CSMD3: variants seen among roughly 807,000 people sequenced by gnomAD.
CSMD3 encodes the protein CUB and Sushi multiple domains 3, also known as CUB and sushi domain-containing protein 3.
Under a neutral mutation model 435.2 loss-of-function variants are expected in CSMD3, and 177 were observed. That is an observed-to-expected ratio of 0.41 (90% CI 0.36 to 0.46). The LOEUF (loss-of-function observed/expected upper bound fraction) is 0.46. CSMD3 is among the 20% of genes least tolerant of loss of function. The pLI, the probability that CSMD3 is intolerant of heterozygous loss-of-function variation, is 0.34. For missense variants in CSMD3, 4,265 were observed against 4,504.6 expected (o/e 0.95, Z 1.52); for synonymous variants, 1,656 against 1,520.5 (o/e 1.09, Z -2.07).
At chr8:113,435,789 G>A (rs1476781984) in intron 1 of CSMD3, among the ~76,000 whole-genome samples, 1 of 152,158 alleles carries the variant, frequency 6.6e-6, no homozygotes, top group East Asian at 1.9e-4. Flanking sequence ...GGGCAGCAGG[G>A]TGCCGGAGAA....
intron 23 of CSMD3, among the ~76,000 whole-genome samples, chr8:112,576,691 T>C (rs929129578): frequency 5.4e-5 from 8 of 147,032 alleles, no homozygotes; most frequent in Non-Finnish European, 1.1e-4. Flanking sequence ...CCACCAAGCC[T>C]GGCTAATTTT....
intron 12 of CSMD3, among the ~76,000 whole-genome samples, chr8:112,818,428 A>C (rs997938900): frequency 1.3e-5 from 2 of 152,194 alleles, no homozygotes; most frequent in Admixed American, 1.3e-4. Flanking sequence ...CTTGTAAAAT[A>C]ATTTTGGTGC....
chr8:112,509,918 C>T (rs1448053428), intron 28 of CSMD3, among the ~76,000 whole-genome samples: 4 of 152,166 alleles, frequency 2.6e-5, no homozygotes, highest in Non-Finnish European at 5.9e-5. Context: ...TCTCTGTAGT[C>T]TATTGGTACA....
intron 10 of CSMD3, among the ~76,000 whole-genome samples, chr8:112,894,490 G>A (rs2081893549): frequency 1.3e-5 from 2 of 151,238 alleles, no homozygotes; most frequent in South Asian, 2.1e-4. Context: ...TTTCATTGCT[G>A]GAGATTTGAG....
intron 28 of CSMD3, among the ~76,000 whole-genome samples, chr8:112,513,499 A>G (rs1221024317): frequency 1.3e-5 from 2 of 152,328 alleles, no homozygotes; most frequent in Admixed American, 6.5e-5. Context: ...GTGGCACCCC[A>G]AAACAATTAC....
intron 4 of CSMD3, among the ~76,000 whole-genome samples, chr8:113,122,941 C>CAA (rs201873549): frequency 2.6e-4 from 35 of 137,022 alleles, no homozygotes; most frequent in Admixed American, 6.6e-4. Context: ...GGAAATAAGG[C>CAA]AAAAAAAAAA....
chr8:113,162,398 G>A (rs899917508), intron 4 of CSMD3, among the ~76,000 whole-genome samples: 5 of 151,154 alleles, frequency 3.3e-5, no homozygotes, highest in Non-Finnish European at 3.0e-5. Flanking sequence ...AAACCCTGTC[G>A]CTACTAAATA....
chr8:112,527,621 G>A (rs1433599457), intron 27 of CSMD3, among the ~76,000 whole-genome samples: 1 of 151,516 alleles, frequency 6.6e-6, no homozygotes, highest in Non-Finnish European at 1.5e-5. Flanking sequence ...TTTTTAGGTA[G>A]GTGCACAAGG....
chr8:112,837,504 G>C (rs779929423), intron 11 of CSMD3, among the ~76,000 whole-genome samples: 3 of 151,710 alleles, frequency 2.0e-5, no homozygotes, highest in Non-Finnish European at 4.4e-5. Flanking sequence ...ATATGAAATA[G>C]TGTTTATAAT....
rs536240790 is a variant in CSMD3 at position 112,979,423 on chromosome 8, T to A, written c.1031-3275A>T. ...GTTTGAAATACTGATATTGGTAATA[T>A]TTTAAATTGGCAGTGTATGAAACAC... On this transcript the variant is annotated intron_variant, in intron 6 of 70. Transcript: ENST00000297405. Among the ~76,000 whole-genome samples the A allele has an allele frequency of 7.7e-4, 117 of 151,794 alleles. 2 individuals are homozygous for A. The South Asian group carries it at 0.024, about 31-fold the overall frequency.
intron 2 of CSMD3, among the ~76,000 whole-genome samples, chr8:113,279,292 G>C (rs921294313): frequency 1.4e-5 from 2 of 147,744 alleles, no homozygotes; most frequent in Non-Finnish European, 3.0e-5. Flanking sequence ...GAAGAGCCAG[G>C]TCTAAGACTA....
intron 12 of CSMD3, among the ~76,000 whole-genome samples, chr8:112,809,320 G>A (rs2079165519): frequency 6.6e-6 from 1 of 152,158 alleles, no homozygotes; most frequent in Non-Finnish European, 1.5e-5. Context: ...TCCTGTGCTA[G>A]AAGGATCAAG....
chr8:112,599,049 C>G (rs1237136514), intron 22 of CSMD3, among the ~76,000 whole-genome samples: 39 of 148,566 alleles, frequency 2.6e-4, no homozygotes, highest in African/African-American at 9.1e-4. Flanking sequence ...AGCTTCTGCA[C>G]AGCAAAAGAA....
At chr8:112,928,846 C>T (rs2083000756) in intron 9 of CSMD3, among the ~76,000 whole-genome samples, 1 of 148,190 alleles carries the variant, frequency 6.7e-6, no homozygotes. Flanking sequence ...AGTTCTAGAT[C>T]CCTGAGGAAT....
intron 12 of CSMD3, among the ~76,000 whole-genome samples, chr8:112,804,080 T>A (rs1455577842): frequency 5.9e-5 from 9 of 152,210 alleles, no homozygotes; most frequent in Non-Finnish European, 4.4e-5. Flanking sequence ...GTGAGCTGCG[T>A]GAAACTGCAA....
chr8:112,895,163 GA>G (rs2081914223), intron 10 of CSMD3, among the ~76,000 whole-genome samples: 1 of 151,282 alleles, frequency 6.6e-6, no homozygotes, highest in Admixed American at 6.6e-5. Flanking sequence ...TGCCATGTCT[GA>G]CCACGCAGAG....
chr8:112,292,779 A>G lies in CSMD3; in HGVS notation c.8615-69T>C, dbSNP rs903529569. On this transcript the variant is annotated intron_variant, in intron 54 of 70. Transcript: ENST00000297405. ...AAAATATTTAGTTATCAGTTATTGC[A>G]TTATTGATTATACTTAATCATTTCA... is the stretch of plus-strand genomic sequence containing the variant. 5.4e-6 allele frequency: 7 copies of G among 1,290,056 alleles called. No individual in the cohort carries two copies. The Admixed American group carries it at 1.2e-4, about 22-fold the overall frequency. The allele number at this position is 1,290,056 out of a possible 1,614,324, so 79.9% of individuals were successfully genotyped here.
At chr8:112,560,525 G>T (rs1828526821) in intron 24 of CSMD3, among the ~76,000 whole-genome samples, 1 of 151,614 alleles carries the variant, frequency 6.6e-6, no homozygotes, top group South Asian at 2.1e-4. Context: ...ACTGAAATTT[G>T]AGAGACCATT....
chr8:112,244,270 G>T (rs747788227), intron 65 of CSMD3, 124 bp downstream of exon 65: 29 of 765,978 alleles, frequency 3.8e-5, no homozygotes, highest in Non-Finnish European at 6.4e-5. Context: ...ATTACTCCTA[G>T]ACTTGGAGTT....
Sources: allele counts gnomAD v4.1 joint callset (sites outside exome capture counted in the v4.1 genomes callset), GRCh38; gene constraint gnomAD v4.1.1; transcripts MANE v1.5; gene names NCBI Gene and HGNC (gene_info 2026-07-23, HGNC 2026-07-21).